Variants in DLG1 observed in about 807,000 individuals in gnomAD.
The protein encoded by DLG1 is discs large MAGUK scaffold protein 1.
DLG1 carries 42 observed loss-of-function variants against 123.4 expected under a neutral mutation model. The ratio of observed to expected loss-of-function variants is 0.34; its 90% confidence interval spans 0.27 to 0.44. The LOEUF (loss-of-function observed/expected upper bound fraction) is 0.44, where lower values mean the gene tolerates loss of function less well. Among genes scored for constraint, DLG1 ranks in the 20% least tolerant of loss-of-function variants. The pLI is 1.00. For missense variants in DLG1, 942 were observed against 1,082.6 expected, an observed-to-expected ratio of 0.87 and a Z score of 1.82; for synonymous variants, 317 against 356.2, an observed-to-expected ratio of 0.89 and a Z score of 1.24.
In DLG1 at chr3:197,105,413, C is replaced by T. The variant is rs537046400; in HGVS notation, c.1444-408G>A. On this transcript the variant is annotated intron_variant, in intron 13 of 24. Coordinates refer to ENST00000667157, the MANE Select transcript of DLG1 (RefSeq NM_001366207.1). ...CCATTTACCTCCTGCCACATTCTCA[C>T]GCCTACTGCTCAATTCAGTTCCAAT... Among the ~76,000 whole-genome samples, 23 of 152,296 alleles carry T rather than the reference C, an allele frequency of 1.5e-4. No individual in the cohort carries two copies. In the South Asian group the frequency reaches 2.1e-3, roughly 14 times the overall value.
At chr3:197,127,293 C>T (rs1779607887) in intron 11 of DLG1, among the ~76,000 whole-genome samples, 2 of 150,100 alleles carry the variant, frequency 1.3e-5, no homozygotes, top group South Asian at 2.1e-4. Context: ...CATGGTGTCG[C>T]AAGCCTGTAA....
At chr3:197,055,517 A>G (rs1731076642) in intron 23 of DLG1, among the ~76,000 whole-genome samples, 5 of 152,092 alleles carry the variant, frequency 3.3e-5, no homozygotes, top group Admixed American at 3.3e-4. Context: ...TTTAAAATTT[A>G]ATTTTATTGT....
At chr3:197,282,371 C>G (rs1036764604) in intron 4 of DLG1, among the ~76,000 whole-genome samples, 26 of 152,264 alleles carry the variant, frequency 1.7e-4, no homozygotes, top group Non-Finnish European at 3.7e-4. Flanking sequence ...TTTCAAAGTA[C>G]CATTTCCATT....
At chr3:197,046,462 A>C (rs1723145439) in intron 24 of DLG1, among the ~76,000 whole-genome samples, 1 of 152,238 alleles carries the variant, frequency 6.6e-6, no homozygotes, top group Non-Finnish European at 1.5e-5. Context: ...TCCTTGCATG[A>C]TACACAGAGG....
At chr3:197,227,419 G>T (rs1183749009) in intron 4 of DLG1, among the ~76,000 whole-genome samples, 1 of 151,744 alleles carries the variant, frequency 6.6e-6, no homozygotes, top group East Asian at 1.9e-4. Flanking sequence ...AAGTTGCAGT[G>T]AACCGAGATT....
intron 24 of DLG1, among the ~76,000 whole-genome samples, chr3:197,046,383 C>CT (rs778414975): frequency 1.1e-4 from 17 of 152,226 alleles, no homozygotes; most frequent in African/African-American, 1.7e-4. Context: ...AAGCATAAGG[C>CT]TGCAGACACC....
intron 19 of DLG1, among the ~76,000 whole-genome samples, chr3:197,068,066 G>T (rs1253547037): frequency 2.0e-5 from 3 of 152,058 alleles, no homozygotes. Flanking sequence ...TGTAGCTGTA[G>T]GTCTTTTAAA....
intron 4 of DLG1, among the ~76,000 whole-genome samples, chr3:197,251,765 C>T (rs577194490): frequency 1.3e-5 from 2 of 152,224 alleles, no homozygotes; most frequent in South Asian, 2.1e-4. Flanking sequence ...CCAAACTACC[C>T]GTCTGACAAG....
chr3:197,157,785 C>G (rs1396529574), intron 5 of DLG1, among the ~76,000 whole-genome samples: 1 of 152,048 alleles, frequency 6.6e-6, no homozygotes, highest in Non-Finnish European at 1.5e-5. Context: ...TTCCTGATTC[C>G]AAAACTTACT....
At chr3:197,116,210 G>A in intron 12 of DLG1, 127 bp from the exon 13 acceptor site, 2 of 712,104 alleles carry the variant, frequency 2.8e-6, no homozygotes, top group Non-Finnish European at 4.3e-6. Context: ...AAATATAAAT[G>A]GTTTTTCTAA....
chr3:197,239,613 G>A (rs1747811766), intron 4 of DLG1, among the ~76,000 whole-genome samples: 1 of 151,840 alleles, frequency 6.6e-6, no homozygotes, highest in Admixed American at 6.6e-5. Flanking sequence ...CATATTAAAA[G>A]GATTACACAC....
At position 197,085,699 on chromosome 3, in the gene DLG1, G is replaced by C. The variant is rs774861097; in HGVS notation, c.1719C>G (p.Asn573Lys). The C allele has an allele frequency of 3.1e-6, 5 of 1,613,666 alleles. No homozygotes were observed. In the East Asian group the frequency reaches 1.1e-4, roughly 36 times the overall value. ...CATGGAGGATATCTCCAAATTTGAAGTTCAGTCCCTGACTGGGAAGCCCAC... is the reference window on the plus strand; with the variant it reads ...CATGGAGGATATCTCCAAATTTGAACTTCAGTCCCTGACTGGGAAGCCCAC... ...KDSGLPSQGLNFKFGDILHVI... is the reference protein window; with the variant it reads ...KDSGLPSQGLKFKFGDILHVI... The change falls in exon 16 of 25, where the codon AAC becomes AAG. Residue 573 changes from asparagine (N) to lysine (K), a missense_variant. Transcript: ENST00000667157.
chr3:197,262,968 T>A (rs1760090998), intron 4 of DLG1, among the ~76,000 whole-genome samples: 1 of 152,036 alleles, frequency 6.6e-6, no homozygotes, highest in South Asian at 2.1e-4. Context: ...TACTCCCTTT[T>A]CCCCACCCCA....
chr3:197,138,215 C>T lies in DLG1; in HGVS notation c.883+7G>A. The T allele has an allele frequency of 1.3e-6, 2 of 1,508,288 alleles. No individual in the cohort carries two copies. Among genetic ancestry groups the T allele is most frequent in the Non-Finnish European group, 1.8e-6 (2 of 1,116,918 alleles). 93.4% of individuals were successfully genotyped at this position (1,508,288 alleles called of 1,614,324 possible). On this transcript the variant is annotated splice_region_variant and intron_variant, in intron 9 of 24. Coordinates refer to ENST00000667157, the MANE Select transcript of DLG1 (RefSeq NM_001366207.1). ...AAAGATTTATCTTAGTTTGACTTAC[C>T]ACATACCTTTAGGACCTTTAATGAG... is the stretch of plus-strand genomic sequence containing the variant.
At chr3:197,234,060 G>A (rs557932760) in intron 4 of DLG1, among the ~76,000 whole-genome samples, 27 of 152,318 alleles carry the variant, frequency 1.8e-4, no homozygotes, top group African/African-American at 6.0e-4. Context: ...GTGGCTGAGC[G>A]CCAATGAGTC....
At chr3:197,189,155 T>A (rs1717806150) in intron 5 of DLG1, among the ~76,000 whole-genome samples, 3 of 152,202 alleles carry the variant, frequency 2.0e-5, no homozygotes. Flanking sequence ...CTTCTGGTAA[T>A]CCATCCAAAG....
intron 24 of DLG1, 58 bp from the exon 25 acceptor site, chr3:197,044,787 A>G: frequency 9.0e-7 from 1 of 1,112,152 alleles, no homozygotes; most frequent in South Asian, 1.6e-5. Flanking sequence ...TTGCCATTAC[A>G]ATTATTGATG....
chr3:197,188,805 T>C (rs1717588858), intron 5 of DLG1, among the ~76,000 whole-genome samples: 1 of 152,232 alleles, frequency 6.6e-6, no homozygotes, highest in Non-Finnish European at 1.5e-5. Flanking sequence ...TATAACATTC[T>C]GGTTTTTTAA....
chr3:197,241,157 G>C (rs1748645002), intron 4 of DLG1, among the ~76,000 whole-genome samples: 1 of 151,920 alleles, frequency 6.6e-6, no homozygotes, highest in African/African-American at 2.4e-5. Flanking sequence ...CAATAGAAAA[G>C]AAACAAATAA....
Sources: allele counts gnomAD v4.1 joint callset (sites outside exome capture counted in the v4.1 genomes callset), GRCh38; gene constraint gnomAD v4.1.1; transcripts MANE v1.5; gene names NCBI Gene and HGNC (gene_info 2026-07-23, HGNC 2026-07-21).